The following PTPRT variants were observed in gnomAD, a reference collection of about 807,000 sequenced individuals.
PTPRT encodes the protein receptor-type tyrosine-protein phosphatase T.
A neutral mutation model predicts 176.8 loss-of-function variants in PTPRT; 56 were observed. That is an observed-to-expected ratio of 0.32 (90% CI 0.26 to 0.40). The LOEUF (loss-of-function observed/expected upper bound fraction) is 0.40, where lower values mean the gene tolerates loss of function less well. PTPRT is among the 10% of genes least tolerant of loss of function. The probability of loss-of-function intolerance (pLI) is 1.00; values close to 1 mark genes in which losing one functional copy is unlikely to be tolerated. For missense variants in PTPRT, 1,540 were observed against 1,908.2 expected, an observed-to-expected ratio of 0.81 and a Z score of 3.60; for synonymous variants, 783 against 739.0, an observed-to-expected ratio of 1.06 and a Z score of -0.96.
chr20:42,336,680 A>C (rs765891039), intron 11 of PTPRT, among the ~76,000 whole-genome samples: 1 of 151,984 alleles, frequency 6.6e-6, no homozygotes, highest in Non-Finnish European at 1.5e-5. Flanking sequence ...AACATGAATA[A>C]ATTTGTGATT....
At chr20:42,807,204 A>G (rs1406342538) in intron 2 of PTPRT, among the ~76,000 whole-genome samples, 1 of 152,230 alleles carries the variant, frequency 6.6e-6, no homozygotes, top group Admixed American at 6.5e-5. Context: ...AGAGGGACAG[A>G]GAAGGATGGA....
intron 9 of PTPRT, among the ~76,000 whole-genome samples, chr20:42,369,843 G>A (rs890145862): frequency 6.6e-6 from 1 of 152,216 alleles, no homozygotes; most frequent in Non-Finnish European, 1.5e-5. Context: ...AAGATTTTCT[G>A]TAAGGCAATT....
At chr20:43,121,838 G>A (rs930311153) in intron 1 of PTPRT, among the ~76,000 whole-genome samples, 1 of 152,148 alleles carries the variant, frequency 6.6e-6, no homozygotes, top group African/African-American at 2.4e-5. Context: ...GCCATCCATA[G>A]AGAAGCTAGA....
chr20:43,029,370 A>C (rs780437027), intron 1 of PTPRT, among the ~76,000 whole-genome samples: 50 of 152,210 alleles, frequency 3.3e-4, no homozygotes, highest in Non-Finnish European at 6.5e-4. Context: ...TTGTGATTGG[A>C]AGTGCTTCGG....
At chr20:42,278,785 C>T (rs1388782402) in intron 13 of PTPRT, among the ~76,000 whole-genome samples, 2 of 152,116 alleles carry the variant, frequency 1.3e-5, no homozygotes, top group African/African-American at 4.8e-5. Flanking sequence ...TAATGTACCT[C>T]TCATGGGAAG....
rs146900927 is a variant in PTPRT at position 42,641,234 on chromosome 20, C to G, written c.1153+36632G>C. Among the ~76,000 whole-genome samples, 996 of 152,294 alleles carry G rather than the reference C, an allele frequency of 6.5e-3. 5 individuals are homozygous for G. The highest frequency in any genetic ancestry group is 9.6e-3 in the Non-Finnish European group (654 of 68,022). Reference sequence around the variant, plus strand: ...AGCCATTTTTAAGACCTTTCATACACATTTCCTATTCCTTCCAAAAGGACT... The same window carrying G: ...AGCCATTTTTAAGACCTTTCATACAGATTTCCTATTCCTTCCAAAAGGACT... On this transcript the variant is annotated intron_variant, in intron 7 of 30. Coordinates refer to ENST00000373187, the MANE Select transcript of PTPRT (RefSeq NM_007050.6).
intron 1 of PTPRT, among the ~76,000 whole-genome samples, chr20:42,959,052 T>C: frequency 6.6e-6 from 1 of 152,206 alleles, no homozygotes; most frequent in East Asian, 1.9e-4. Context: ...TTATAGAATG[T>C]AACTTAATTG....
rs139106142 is a variant in PTPRT at position 42,303,574 on chromosome 20, T to C, written c.2139+12149A>G. 3.5e-3 allele frequency among the ~76,000 whole-genome samples: 529 copies of C among 152,294 alleles called. 5 individuals carry two copies. Among genetic ancestry groups the C allele is most frequent in the African/African-American group, 0.012 (497 of 41,580 alleles). ...CCAGCTCGTTCTCTTGTTTCTGGAG[T>C]ATGCTTCAGCAAATCATAGCCTCTC... On this transcript the variant is annotated intron_variant, in intron 12 of 30. Coordinates refer to ENST00000373187, the MANE Select transcript of PTPRT (RefSeq NM_007050.6).
intron 6 of PTPRT, among the ~76,000 whole-genome samples, chr20:42,690,166 G>A (rs944923370): frequency 1.4e-4 from 22 of 152,028 alleles, no homozygotes; most frequent in African/African-American, 5.3e-4. Context: ...AGGTGATGGG[G>A]AGCAGGGGTG....
chr20:42,797,358 T>C (rs1435068776), intron 2 of PTPRT, among the ~76,000 whole-genome samples: 3 of 152,182 alleles, frequency 2.0e-5, no homozygotes, highest in Admixed American at 2.0e-4. Context: ...AAAACAGTAC[T>C]CAGCACCATC....
chr20:42,232,811 T>TAC (rs1301510377), intron 15 of PTPRT, among the ~76,000 whole-genome samples: 1 of 90,062 alleles, frequency 1.1e-5, no homozygotes, highest in Non-Finnish European at 2.1e-5. Flanking sequence ...TTCTCTGTTT[T>TAC]ACAAAAAAAA....
chr20:42,741,390 A>T (rs2146294094), intron 6 of PTPRT, among the ~76,000 whole-genome samples: 1 of 152,082 alleles, frequency 6.6e-6, no homozygotes, highest in South Asian at 2.1e-4. Context: ...TGTCGCCCAG[A>T]CTGGAGTGCA....
intron 1 of PTPRT, among the ~76,000 whole-genome samples, chr20:42,954,510 C>G (rs1229574100): frequency 6.6e-6 from 1 of 152,166 alleles, no homozygotes; most frequent in African/African-American, 2.4e-5. Flanking sequence ...TCAGACAGCT[C>G]TGCCAGCCTA....
At chr20:42,669,718 T>C (rs2075381107) in intron 7 of PTPRT, among the ~76,000 whole-genome samples, 1 of 152,194 alleles carries the variant, frequency 6.6e-6, no homozygotes, top group Non-Finnish European at 1.5e-5. Flanking sequence ...CTGCCTCTAC[T>C]CTGTCCTAGA....
At chr20:42,612,133 C>T (rs866026911) in intron 7 of PTPRT, among the ~76,000 whole-genome samples, 2 of 152,148 alleles carry the variant, frequency 1.3e-5, no homozygotes, top group African/African-American at 4.8e-5. Flanking sequence ...AGGAAGACAA[C>T]TGATGCAGGG....
chr20:42,740,450 TC>T (rs1371672848), intron 6 of PTPRT, among the ~76,000 whole-genome samples: 2 of 152,110 alleles, frequency 1.3e-5, no homozygotes, highest in Non-Finnish European at 2.9e-5. Context: ...ATCCTCCTGC[TC>T]TGTGCAGCCC....
At chr20:43,093,678 A>G (rs563455045) in intron 1 of PTPRT, among the ~76,000 whole-genome samples, 1 of 152,274 alleles carries the variant, frequency 6.6e-6, no homozygotes, top group South Asian at 2.1e-4. Context: ...CCCTGCTCCA[A>G]TGCCCCACTG....
chr20:42,136,487 C>G (rs927513388), intron 18 of PTPRT, among the ~76,000 whole-genome samples: 2 of 152,008 alleles, frequency 1.3e-5, no homozygotes, highest in African/African-American at 2.4e-5. Context: ...AGAGACAGCC[C>G]GACATTCTGT....
chr20:42,731,924 G>C (rs1212235224), intron 6 of PTPRT, among the ~76,000 whole-genome samples: 1 of 152,098 alleles, frequency 6.6e-6, no homozygotes, highest in African/African-American at 2.4e-5. Flanking sequence ...CATTCTCCAG[G>C]TTTTAAACCA....
Sources: allele counts gnomAD v4.1 joint callset (sites outside exome capture counted in the v4.1 genomes callset), GRCh38; gene constraint gnomAD v4.1.1; transcripts MANE v1.5; gene names NCBI Gene and HGNC (gene_info 2026-07-23, HGNC 2026-07-21).